NF1: variants seen among roughly 807,000 people sequenced by gnomAD.
NF1 encodes the protein neurofibromin 1.
In NF1, 122 loss-of-function variants were observed where a neutral mutation model predicts 325.7. The observed-to-expected ratio is 0.37, with a 90% CI of 0.32 to 0.44. The LOEUF (loss-of-function observed/expected upper bound fraction) is 0.44. Among genes scored for constraint, NF1 ranks in the 20% least tolerant of loss-of-function variants. The pLI, the probability that NF1 is intolerant of heterozygous loss-of-function variation, is 1.00. For synonymous variants in NF1, 1,091 were observed against 1,186.0 expected (o/e 0.92, Z 1.65); for missense variants, 2,140 against 3,415.4 (o/e 0.63, Z 9.31).
At chr17:31,320,756 A>G (rs1374304907) in intron 36 of NF1, among the ~76,000 whole-genome samples, 1 of 152,200 alleles carries the variant, frequency 6.6e-6, no homozygotes, top group Non-Finnish European at 1.5e-5. Context: ...GTTTAGTGAC[A>G]TAAATCTTTG....
In NF1 at chr17:31,240,147, C is replaced by T. The variant is rs559786065; in HGVS notation, c.3974+4126C>T. Among the ~76,000 whole-genome samples the T allele has an allele frequency of 1.4e-4, 21 of 152,246 alleles. 1 individual carries two copies. The South Asian group carries it at 4.4e-3, about 32-fold the overall frequency. On this transcript the variant is annotated intron_variant, in intron 29 of 57. Transcript: ENST00000358273. Reference sequence around the variant, plus strand: ...ACAATAAGTTCTTGTTGACTGTAGTCACCTTGTGCTATCAGATAACCAGAT... The same window carrying T: ...ACAATAAGTTCTTGTTGACTGTAGTTACCTTGTGCTATCAGATAACCAGAT...
chr17:31,128,061 C>A (rs916625479), intron 1 of NF1, among the ~76,000 whole-genome samples: 1 of 151,756 alleles, frequency 6.6e-6, no homozygotes, highest in Admixed American at 6.6e-5. Flanking sequence ...CCCACCTCAG[C>A]CTCCCGAGTA....
At chr17:31,189,415 T>G (rs2066300923) in intron 8 of NF1, among the ~76,000 whole-genome samples, 1 of 152,216 alleles carries the variant, frequency 6.6e-6, no homozygotes, top group South Asian at 2.1e-4. Context: ...TTTACGTTTT[T>G]GAAGTGTAAA....
chr17:31,315,057 C>A (rs1181911595), intron 36 of NF1, among the ~76,000 whole-genome samples: 7 of 152,140 alleles, frequency 4.6e-5, no homozygotes, highest in African/African-American at 1.7e-4. Context: ...ATCAGTGGTG[C>A]TGAGTACCCT....
At chr17:31,283,952 G>T (rs1279499866) in intron 36 of NF1, among the ~76,000 whole-genome samples, 1 of 152,220 alleles carries the variant, frequency 6.6e-6, no homozygotes, top group South Asian at 2.1e-4. Context: ...CACATTACTT[G>T]GGTGTTAGTG....
chr17:31,155,571 C>T lies in NF1; in HGVS notation c.61-412C>T, dbSNP rs117737406. Among the ~76,000 whole-genome samples the T allele has an allele frequency of 2.5e-4, 38 of 152,258 alleles. No individual in the cohort carries two copies. The East Asian group carries it at 6.7e-3, about 27-fold the overall frequency. On this transcript the variant is annotated intron_variant, in intron 1 of 57. Transcript: ENST00000358273. Reference sequence around the variant, plus strand: ...GTTTGAGTTCAATGGATAAGGGAAACGGTTGTATGCATTTTATTGCAGACA... The same window carrying T: ...GTTTGAGTTCAATGGATAAGGGAAATGGTTGTATGCATTTTATTGCAGACA...
At position 31,142,091 on chromosome 17, in the gene NF1, A is replaced by G. The variant is rs151217204; in HGVS notation, c.61-13892A>G. Among the ~76,000 whole-genome samples the G allele has an allele frequency of 3.9e-3, 590 of 152,308 alleles. 3 individuals are homozygous for G. Among genetic ancestry groups the G allele is most frequent in the African/African-American group, 0.014 (569 of 41,568 alleles). ...ACCTTTTGAAGAATTTTCTAAGTGA[A>G]ACTAGAAACAAATTAACCATTGTTC... On this transcript the variant is annotated intron_variant, in intron 1 of 57. Transcript: ENST00000358273.
At chr17:31,270,708 GGTA>G in intron 36 of NF1, among the ~76,000 whole-genome samples, 1 of 152,264 alleles carries the variant, frequency 6.6e-6, no homozygotes, top group South Asian at 2.1e-4. Context: ...CTTTTTGGGT[GGTA>G]GTAGTAAATA....
intron 12 of NF1, among the ~76,000 whole-genome samples, chr17:31,209,208 G>C (rs867617958): frequency 1.3e-5 from 2 of 152,164 alleles, no homozygotes; most frequent in African/African-American, 2.4e-5. Flanking sequence ...CCCCAGTTGA[G>C]AACTACTGTA....
At chr17:31,111,595 A>G (rs1913419206) in intron 1 of NF1, among the ~76,000 whole-genome samples, 1 of 152,196 alleles carries the variant, frequency 6.6e-6, no homozygotes, top group Non-Finnish European at 1.5e-5. Context: ...CTGGGAAATA[A>G]CAGACATTTT....
chr17:31,099,208 T>A (rs1170278463), intron 1 of NF1, among the ~76,000 whole-genome samples: 5 of 152,164 alleles, frequency 3.3e-5, no homozygotes, highest in South Asian at 2.1e-4. Flanking sequence ...CACTGCTGAT[T>A]ACAGACATAT....
In NF1 at chr17:31,163,218, G is replaced by A. The variant is rs786201731; in HGVS notation, c.321G>A (p.Thr107=). ...AGGACACAATGAGATTAGATGAAAC[G>A]ATGCTGGTCAAACAGTTGCTGCCAG... ...QPKDTMRLDE[T]MLVKQLLPEI... Residue 107 remains threonine (T), a synonymous_variant, in exon 4 of 58, where the codon ACG becomes ACA. Coordinates refer to ENST00000358273, the MANE Select transcript of NF1 (RefSeq NM_001042492.3). 1.2e-6 allele frequency: 2 copies of A among 1,614,032 alleles called. No homozygotes were observed. The highest frequency in any genetic ancestry group is 1.7e-6 in the Non-Finnish European group (2 of 1,180,010).
At chr17:31,310,629 T>C (rs1213699793) in intron 36 of NF1, among the ~76,000 whole-genome samples, 5 of 152,076 alleles carry the variant, frequency 3.3e-5, no homozygotes, top group Non-Finnish European at 7.4e-5. Context: ...ATCCTTACCA[T>C]CCTCTCCCTT....
intron 1 of NF1, among the ~76,000 whole-genome samples, chr17:31,099,455 A>C (rs1912095760): frequency 6.6e-6 from 1 of 152,182 alleles, no homozygotes; most frequent in South Asian, 2.1e-4. Flanking sequence ...GGACAGCCAG[A>C]AAGCTGAATG....
intron 11 of NF1, 116 bp from the exon 12 acceptor site, chr17:31,206,124 A>T: frequency 9.0e-7 from 1 of 1,108,490 alleles, no homozygotes; most frequent in South Asian, 1.3e-5. Context: ...GTGTGTTTGC[A>T]TGGTCTTAGA....
Position 31,175,802 on chromosome 17 carries a change from T to C in NF1, c.587-5620T>C, listed in dbSNP as rs1388192465. On this transcript the variant is annotated intron_variant, in intron 5 of 57. Transcript: ENST00000358273. ...TTTGGTTTTCTGTTCTTGTGTTTGC[T>C]GAAAATGATGGTTTCCAGCTTCATC... Among the ~76,000 whole-genome samples, 3 of 152,212 alleles carry C rather than the reference T, an allele frequency of 2.0e-5. No individual in the cohort carries two copies. The South Asian group carries it at 6.2e-4, about 31-fold the overall frequency.
chr17:31,236,661 G>A (rs2067209761), intron 29 of NF1, among the ~76,000 whole-genome samples: 1 of 150,396 alleles, frequency 6.6e-6, no homozygotes, highest in South Asian at 2.1e-4. Context: ...ATCTTGGCCA[G>A]GCTGGTCTCA....
chr17:31,228,464 T>C (rs2067054033), intron 20 of NF1, among the ~76,000 whole-genome samples: 1 of 152,180 alleles, frequency 6.6e-6, no homozygotes, highest in Admixed American at 6.5e-5. Flanking sequence ...TACCATACAG[T>C]TCACCCATTT....
In NF1 at chr17:31,156,011, C is replaced by G. The variant is rs2143625564; in HGVS notation, c.89C>G (p.Thr30Arg). 1 of 1,612,434 alleles carries G rather than the reference C, an allele frequency of 6.2e-7. No individual in the cohort carries two copies. The highest frequency in any genetic ancestry group is 8.5e-7 in the Non-Finnish European group (1 of 1,179,456). ...QLPIKTGQQN[T>R]HTKVSTEHNK... ...CCAATAAAAACAGGACAGCAGAACACACATACCAAAGTCAGTACTGAGCAC... is the reference window on the plus strand; with the variant it reads ...CCAATAAAAACAGGACAGCAGAACAGACATACCAAAGTCAGTACTGAGCAC... Residue 30 changes from threonine (T) to arginine (R), a missense_variant, in exon 2 of 58, where the codon ACA (threonine) becomes AGA (arginine). Physicochemically the swap from Thr to Arg is moderately conservative, Grantham distance 71. Around this residue, in one of 10 missense-constraint regions of NF1, gnomAD observed 246 missense variants for 347.8 expected, o/e 0.71. Coordinates refer to ENST00000358273, the MANE Select transcript of NF1 (RefSeq NM_001042492.3).
Sources: gnomAD v4.1 joint callset for allele counts (sites outside exome capture counted in the v4.1 genomes callset) on GRCh38, gnomAD v4.1.1 for gene constraint, gnomAD v4.1.1 regional missense constraint, MANE v1.5 for transcripts, NCBI Gene and HGNC (gene_info 2026-07-23, HGNC 2026-07-21) for gene names.